The following PTPRG variants were observed in gnomAD, a reference collection of about 807,000 sequenced individuals.
PTPRG encodes the protein receptor-type tyrosine-protein phosphatase gamma.
Under a neutral mutation model 165.3 loss-of-function variants are expected in PTPRG, and 102 were observed. That is an observed-to-expected ratio of 0.62 (90% CI 0.53 to 0.73). The LOEUF is 0.73. Ranked by LOEUF, PTPRG falls within the 30% of genes least tolerant of loss-of-function variation. PTPRG has a pLI of 0.00. For synonymous variants in PTPRG, 675 were observed against 669.5 expected, an observed-to-expected ratio of 1.01 and a Z score of -0.13; for missense variants, 1,866 against 1,861.4, an observed-to-expected ratio of 1.00 and a Z score of -0.05.
At position 62,293,261 on chromosome 3, in the gene PTPRG, T is replaced by G. The variant is rs142437746; in HGVS notation, c.4292T>G (p.Ile1431Ser). The change falls in exon 30 of 30, where the codon ATT (isoleucine) becomes AGT (serine). Residue 1431 changes from isoleucine (I) to serine (S), a missense_variant. Around this residue, in one of 3 missense-constraint regions of PTPRG, gnomAD observed 1,452 missense variants for 1,463.0 expected, o/e 0.99. Transcript: ENST00000474889. ...GTAGACAAAAATGGTGCTGTTCTTA[T>G]TGCAGATGAATCAGACCCTGCTGAG... ...MTVDKNGAVLIADESDPAESM... is the reference protein window; with the variant it reads ...MTVDKNGAVLSADESDPAESM... 5.2e-5 allele frequency: 84 copies of G among 1,610,804 alleles called. No individual in the cohort carries two copies. The highest frequency in any genetic ancestry group is 6.6e-5 in the Non-Finnish European group (78 of 1,178,934).
At chr3:61,626,053 A>T (rs1701600899) in intron 1 of PTPRG, among the ~76,000 whole-genome samples, 1 of 150,272 alleles carries the variant, frequency 6.7e-6, no homozygotes, top group South Asian at 2.1e-4. Context: ...CTTTTAGGCG[A>T]CATTATGTGT....
chr3:61,962,208 CTG>C (rs2107644038), intron 2 of PTPRG, among the ~76,000 whole-genome samples: 1 of 152,282 alleles, frequency 6.6e-6, no homozygotes, highest in East Asian at 1.9e-4. Context: ...TTGTGGAAGA[CTG>C]TTGACAGCTG....
chr3:61,650,909 G>A (rs901531483), intron 1 of PTPRG, among the ~76,000 whole-genome samples: 5 of 152,216 alleles, frequency 3.3e-5, no homozygotes, highest in Middle Eastern at 6.8e-3. Context: ...ACCAATAAAA[G>A]TTTTAGGAAT....
intron 2 of PTPRG, among the ~76,000 whole-genome samples, chr3:61,867,437 T>C (rs2037443206): frequency 6.6e-6 from 1 of 151,624 alleles, no homozygotes; most frequent in Admixed American, 6.6e-5. Flanking sequence ...GGCGAGTCTT[T>C]TCCCCTCTCT....
At chr3:62,280,019 C>T (rs1702374327) in intron 26 of PTPRG, among the ~76,000 whole-genome samples, 1 of 152,116 alleles carries the variant, frequency 6.6e-6, no homozygotes, top group South Asian at 2.1e-4. Context: ...TTCTCTTAGG[C>T]ATCCATAGTT....
At chr3:62,259,422 C>A (rs745592174) in intron 16 of PTPRG, among the ~76,000 whole-genome samples, 2 of 152,024 alleles carry the variant, frequency 1.3e-5, no homozygotes, top group South Asian at 2.1e-4. Flanking sequence ...AAAAAAAAAA[C>A]CCTCAATGTT....
In PTPRG at chr3:62,213,721, G is replaced by A. The variant is rs150064902; in HGVS notation, c.2156-5130G>A. 5.9e-5 allele frequency among the ~76,000 whole-genome samples: 9 copies of A among 152,268 alleles called. No homozygotes were observed. The East Asian group carries it at 1.7e-3, about 29-fold the overall frequency. ...CCTACAGCATGTTCTGGTCTCTGGAGGCCTAGGCATGGGGAAGTTTAGCCT... is the reference window on the plus strand; with the variant it reads ...CCTACAGCATGTTCTGGTCTCTGGAAGCCTAGGCATGGGGAAGTTTAGCCT... On this transcript the variant is annotated intron_variant, in intron 12 of 29. Transcript: ENST00000474889. This position sits in a 1 kb window ranked among gnomAD's most constrained non-coding sequence, Gnocchi z 4.4.
chr3:61,652,396 G>A (rs1702378282), intron 1 of PTPRG, among the ~76,000 whole-genome samples: 1 of 152,124 alleles, frequency 6.6e-6, no homozygotes, highest in African/African-American at 2.4e-5. Flanking sequence ...CCATTGACAG[G>A]GCTGATCTTC....
At chr3:62,220,020 A>G (rs989156990) in intron 13 of PTPRG, among the ~76,000 whole-genome samples, 1 of 152,216 alleles carries the variant, frequency 6.6e-6, no homozygotes, top group African/African-American at 2.4e-5. Context: ...CTGAGCAAAG[A>G]CCTAAAGGAG....
intron 2 of PTPRG, among the ~76,000 whole-genome samples, chr3:61,821,745 G>C (rs1231032404): frequency 1.3e-5 from 2 of 152,184 alleles, no homozygotes; most frequent in Non-Finnish European, 2.9e-5. Flanking sequence ...CAGTATGAGC[G>C]ATGACAATAC....
intron 5 of PTPRG, among the ~76,000 whole-genome samples, chr3:62,130,580 T>A (rs1703477639): frequency 6.6e-6 from 1 of 152,222 alleles, no homozygotes; most frequent in Admixed American, 6.5e-5. Flanking sequence ...AGGGACCATC[T>A]TTTTGTCTAT....
intron 13 of PTPRG, among the ~76,000 whole-genome samples, chr3:62,223,510 A>G (rs1013184666): frequency 7.2e-5 from 11 of 152,216 alleles, no homozygotes; most frequent in African/African-American, 2.7e-4. Flanking sequence ...GGAGTCTAAA[A>G]GGGCCCCTCA....
intron 4 of PTPRG, among the ~76,000 whole-genome samples, chr3:62,012,849 G>A (rs1331484778): frequency 6.6e-6 from 1 of 152,166 alleles, no homozygotes; most frequent in Non-Finnish European, 1.5e-5. Context: ...AAAATATACA[G>A]AGAGATACGA....
intron 2 of PTPRG, among the ~76,000 whole-genome samples, chr3:61,945,934 A>C (rs1281440724): frequency 6.6e-6 from 1 of 152,244 alleles, no homozygotes; most frequent in Admixed American, 6.5e-5. Flanking sequence ...CTATATGCTC[A>C]TTAAACATCA....
intron 12 of PTPRG, among the ~76,000 whole-genome samples, chr3:62,205,726 A>AGG (rs1203426696): frequency 1.3e-5 from 2 of 152,102 alleles, no homozygotes; most frequent in Non-Finnish European, 2.9e-5. Flanking sequence ...AGAGGGAGTG[A>AGG]GGGGGAGAGG....
chr3:61,818,295 T>G (rs995370406), intron 2 of PTPRG, among the ~76,000 whole-genome samples: 11 of 152,136 alleles, frequency 7.2e-5, no homozygotes, highest in African/African-American at 2.7e-4. Context: ...ATAGATGGTA[T>G]GAAAGAACGT....
intron 1 of PTPRG, among the ~76,000 whole-genome samples, chr3:61,603,429 AG>A (rs1700918777): frequency 1.3e-5 from 2 of 152,114 alleles, no homozygotes; most frequent in Non-Finnish European, 2.9e-5. Context: ...CATGATTGAA[AG>A]CTCCTTGAGG....
At chr3:61,690,633 G>A (rs1297194652) in intron 1 of PTPRG, among the ~76,000 whole-genome samples, 7 of 152,102 alleles carry the variant, frequency 4.6e-5, no homozygotes, top group Non-Finnish European at 1.0e-4. Context: ...CTCCTTCTCC[G>A]TCATCACACA....
intron 4 of PTPRG, among the ~76,000 whole-genome samples, chr3:62,021,274 C>T (rs1262585845): frequency 2.0e-5 from 3 of 152,114 alleles, no homozygotes; most frequent in Non-Finnish European, 4.4e-5. Flanking sequence ...GTTGGTCTGT[C>T]TTATAAACAT....
Sources: allele counts gnomAD v4.1 joint callset (sites outside exome capture counted in the v4.1 genomes callset), GRCh38; gene constraint gnomAD v4.1.1; regional missense constraint gnomAD v4.1.1; non-coding constraint Gnocchi (gnomAD v3.1); transcripts MANE v1.5; gene names NCBI Gene and HGNC (gene_info 2026-07-23, HGNC 2026-07-21).